The following ACTR3C variants were observed in gnomAD, a reference collection of about 807,000 sequenced individuals.
ACTR3C encodes the protein actin-related protein 3C.
Under a neutral mutation model 26.3 loss-of-function variants are expected in ACTR3C, and 18 were observed. The ratio of observed to expected loss-of-function variants is 0.68; its 90% CI spans 0.47 to 1.01. The LOEUF (loss-of-function observed/expected upper bound fraction) is 1.01, where lower values mean the gene tolerates loss of function less well. ACTR3C is among the 50% of genes least tolerant of loss of function. The pLI, the probability that ACTR3C is intolerant of heterozygous loss-of-function variation, is 0.00. For missense variants in ACTR3C, 184 were observed against 250.7 expected, an observed-to-expected ratio of 0.73 and a Z score of 1.80; for synonymous variants, 55 against 94.5, an observed-to-expected ratio of 0.58 and a Z score of 2.42.
chr7:150,033,888 G>T, the ACTR3C span, among the ~76,000 whole-genome samples: 1 of 151,994 alleles, frequency 6.6e-6, no homozygotes, highest in East Asian at 1.9e-4. Flanking sequence ...GGGGGGAAGA[G>T]GGGCTCGCTC....
the ACTR3C span, among the ~76,000 whole-genome samples, chr7:150,163,094 C>T: frequency 6.6e-6 from 1 of 151,230 alleles, no homozygotes; most frequent in East Asian, 1.9e-4. Context: ...GCGGAGGTTG[C>T]AGCAGGTCGA....
At chr7:150,323,360 C>T in intron 1 of ACTR3C, 109 bp downstream of exon 1, 1 of 283,936 alleles carries the variant, frequency 3.5e-6, no homozygotes, top group Non-Finnish European at 6.9e-6. Context: ...TCCGGGAGCT[C>T]AGGCCTGCGG....
chr7:150,193,104 T>C, the ACTR3C span, among the ~76,000 whole-genome samples: 6 of 152,322 alleles, frequency 3.9e-5, no homozygotes, highest in Non-Finnish European at 8.8e-5. Flanking sequence ...TCTTCCCCAG[T>C]CAATCCTCAT....
At chr7:150,300,127 C>T (rs28534988) in intron 1 of ACTR3C, among the ~76,000 whole-genome samples, 14 of 152,094 alleles carry the variant, frequency 9.2e-5, no homozygotes, top group Admixed American at 2.0e-4. Flanking sequence ...CTGAGGTGGG[C>T]GGATCATGAG....
the ACTR3C span, among the ~76,000 whole-genome samples, chr7:150,082,652 G>A: frequency 1.3e-5 from 2 of 152,178 alleles, no homozygotes; most frequent in African/African-American, 4.8e-5. Flanking sequence ...TACAGATCAG[G>A]TGTTCCTCAT....
At chr7:150,131,918 T>G in the ACTR3C span, among the ~76,000 whole-genome samples, 4 of 152,238 alleles carry the variant, frequency 2.6e-5, no homozygotes, top group African/African-American at 9.6e-5. Context: ...TGAATGAACC[T>G]TGAAAACATC....
At chr7:149,986,401 G>A in the ACTR3C span, among the ~76,000 whole-genome samples, 1 of 152,182 alleles carries the variant, frequency 6.6e-6, no homozygotes, top group East Asian at 1.9e-4. Context: ...AACTCTGGCT[G>A]TTATTGTGTA....
chr7:150,039,091 C>T, the ACTR3C span, among the ~76,000 whole-genome samples: 16 of 149,340 alleles, frequency 1.1e-4, no homozygotes, highest in East Asian at 1.0e-3. Context: ...CTACTAACAC[C>T]CACAGTCCTC....
the ACTR3C span, among the ~76,000 whole-genome samples, chr7:150,132,400 TAAAC>T: frequency 2.6e-5 from 4 of 152,032 alleles, no homozygotes; most frequent in Non-Finnish European, 4.4e-5. Flanking sequence ...GAATTTAAAA[TAAAC>T]AAGCAAAAAG....
intron 6 of ACTR3C, among the ~76,000 whole-genome samples, chr7:150,278,316 CA>C (rs1835053118): frequency 6.6e-6 from 1 of 152,220 alleles, no homozygotes; most frequent in Non-Finnish European, 1.5e-5. Flanking sequence ...TTTTAACTCA[CA>C]AAAGTTAAAG....
the ACTR3C span, among the ~76,000 whole-genome samples, chr7:150,135,742 C>T: frequency 2.1e-4 from 29 of 141,406 alleles, no homozygotes; most frequent in African/African-American, 7.0e-4. Flanking sequence ...AGGCTTGTCA[C>T]GATTAACCAA....
the ACTR3C span, among the ~76,000 whole-genome samples, chr7:150,146,261 C>T: frequency 2.0e-5 from 3 of 151,760 alleles, no homozygotes; most frequent in African/African-American, 4.9e-5. Flanking sequence ...CAGAGAAAAG[C>T]AATTTTGCCG....
At chr7:150,259,080 C>T (rs1266476971) in intron 6 of ACTR3C, among the ~76,000 whole-genome samples, 1 of 151,762 alleles carries the variant, frequency 6.6e-6, no homozygotes, top group Non-Finnish European at 1.5e-5. Flanking sequence ...TATTAATTCT[C>T]TCACCCTCCT....
the ACTR3C span, among the ~76,000 whole-genome samples, chr7:150,076,394 C>G: frequency 1.3e-5 from 2 of 152,102 alleles, no homozygotes; most frequent in Non-Finnish European, 1.5e-5. Context: ...ATAAATATAT[C>G]TACTGATCAG....
chr7:150,292,504 T>TC (rs562705525), intron 3 of ACTR3C, among the ~76,000 whole-genome samples: 22 of 147,034 alleles, frequency 1.5e-4, no homozygotes, highest in African/African-American at 4.7e-4. Context: ...TTTTAAATTT[T>TC]TTTTTTTTTT....
At chr7:150,309,603 A>T (rs1335950476) in intron 1 of ACTR3C, among the ~76,000 whole-genome samples, 3 of 152,078 alleles carry the variant, frequency 2.0e-5, no homozygotes, top group Admixed American at 2.0e-4. Context: ...ACTCCTTTAA[A>T]TCCTCCTCAT....
the ACTR3C span, among the ~76,000 whole-genome samples, chr7:150,107,862 A>G: frequency 2.6e-5 from 4 of 151,962 alleles, no homozygotes; most frequent in African/African-American, 9.7e-5. Flanking sequence ...AGGGTGAGGA[A>G]CTGCCTTACA....
the ACTR3C span, among the ~76,000 whole-genome samples, chr7:150,235,108 T>C: frequency 2.6e-5 from 4 of 152,210 alleles, no homozygotes; most frequent in African/African-American, 9.7e-5. Context: ...CAGCCTACTA[T>C]AACTCCCATC....
the ACTR3C span, among the ~76,000 whole-genome samples, chr7:150,101,843 T>G: frequency 1.3e-5 from 2 of 151,838 alleles, no homozygotes; most frequent in East Asian, 3.9e-4. Flanking sequence ...CACTTTAGTC[T>G]GGGGTGTAAT....
Sources: allele counts gnomAD v4.1 joint callset (sites outside exome capture counted in the v4.1 genomes callset), GRCh38; gene constraint gnomAD v4.1.1; transcripts MANE v1.5; gene names NCBI Gene and HGNC (gene_info 2026-07-23, HGNC 2026-07-21).